Variants in SLC4A10 observed in about 807,000 individuals in gnomAD.
The protein encoded by SLC4A10 is solute carrier family 4 member 10.
In SLC4A10, 42 loss-of-function variants were observed where a neutral mutation model predicts 137.7. The ratio of observed to expected loss-of-function variants is 0.30; its 90% CI spans 0.24 to 0.39. SLC4A10 has a LOEUF of 0.39. SLC4A10 is among the 10% of genes least tolerant of loss of function. The pLI, the probability that SLC4A10 is intolerant of heterozygous loss-of-function variation, is 1.00. For synonymous variants in SLC4A10, 474 were observed against 464.1 expected, an observed-to-expected ratio of 1.02 and a Z score of -0.27; for missense variants, 925 against 1,355.0, an observed-to-expected ratio of 0.68 and a Z score of 4.98.
intron 23 of SLC4A10, among the ~76,000 whole-genome samples, chr2:161,969,922 G>T (rs1199995126): frequency 6.6e-6 from 1 of 152,176 alleles, no homozygotes; most frequent in Non-Finnish European, 1.5e-5. Context: ...AGTGGGGCAA[G>T]CATATTCTTC....
rs192936158 is a variant in SLC4A10, at chr2:161,771,778, A to G, written c.130+724A>G. 2.1e-4 allele frequency among the ~76,000 whole-genome samples: 32 copies of G among 152,038 alleles called. 1 individual carries two copies. Among genetic ancestry groups the G allele is most frequent in the Non-Finnish European group, 3.4e-4 (23 of 67,904 alleles). ...TTATTGTTATACCAACATTTAGTGT[A>G]CATACAGGATTAGCTAATTGTTACT... On this transcript the variant is annotated intron_variant, in intron 2 of 26. Transcript: ENST00000446997.
At chr2:161,708,827 C>A in intron 1 of SLC4A10, 2 of 1,530,122 alleles carry the variant, frequency 1.3e-6, no homozygotes, top group South Asian at 2.4e-5. Flanking sequence ...TCTAAGTCAT[C>A]AGGTATGACC....
At chr2:161,658,530 A>G (rs972567004) in intron 1 of SLC4A10, among the ~76,000 whole-genome samples, 3 of 151,970 alleles carry the variant, frequency 2.0e-5, no homozygotes, top group African/African-American at 4.8e-5. Flanking sequence ...TATGATTATG[A>G]CCACCAACAA....
intron 15 of SLC4A10, among the ~76,000 whole-genome samples, chr2:161,907,262 G>T (rs1684661072): frequency 6.6e-6 from 1 of 152,158 alleles, no homozygotes; most frequent in African/African-American, 2.4e-5. Context: ...ACAGGGCTAA[G>T]AAAGGACTGA....
At chr2:161,840,722 CTG>C (rs767972578) in intron 4 of SLC4A10, among the ~76,000 whole-genome samples, 1 of 152,204 alleles carries the variant, frequency 6.6e-6, no homozygotes, top group Non-Finnish European at 1.5e-5. Flanking sequence ...GCACAAGAAA[CTG>C]TGGGCACACC....
At chr2:161,936,556 A>G (rs1167056236) in intron 15 of SLC4A10, among the ~76,000 whole-genome samples, 5 of 152,024 alleles carry the variant, frequency 3.3e-5, no homozygotes, top group Non-Finnish European at 1.5e-5. Flanking sequence ...TTTCTAGGTT[A>G]TTCAATATGT....
chr2:161,864,133 C>T (rs2060596338), intron 6 of SLC4A10, among the ~76,000 whole-genome samples: 1 of 151,744 alleles, frequency 6.6e-6, no homozygotes, highest in Admixed American at 6.6e-5. Flanking sequence ...ACCTGGGTGG[C>T]GGAGATTGCA....
intron 1 of SLC4A10, among the ~76,000 whole-genome samples, chr2:161,653,732 T>A (rs939551291): frequency 6.6e-6 from 1 of 152,252 alleles, no homozygotes; most frequent in African/African-American, 2.4e-5. Flanking sequence ...ATTCTTCTTT[T>A]TAAAGACTGA....
intron 11 of SLC4A10, among the ~76,000 whole-genome samples, chr2:161,898,133 GT>G (rs1347348694): frequency 3.9e-5 from 6 of 152,060 alleles, no homozygotes; most frequent in Admixed American, 2.6e-4. Context: ...TTGAACAAAT[GT>G]TTTAACCTCT....
At chr2:161,727,554 T>A (rs759292624) in intron 1 of SLC4A10, among the ~76,000 whole-genome samples, 83 of 152,060 alleles carry the variant, frequency 5.5e-4, no homozygotes, top group Non-Finnish European at 9.3e-4. Context: ...TTAAAACCCT[T>A]AGAGAGGACA....
intron 15 of SLC4A10, among the ~76,000 whole-genome samples, chr2:161,923,433 A>G: frequency 6.6e-6 from 1 of 152,120 alleles, no homozygotes; most frequent in East Asian, 1.9e-4. Flanking sequence ...AAAATGAGAT[A>G]CCTAACAATC....
intron 7 of SLC4A10, 80 bp from the exon 8 acceptor site, chr2:161,873,836 G>C: frequency 7.3e-7 from 1 of 1,366,546 alleles, no homozygotes; most frequent in Non-Finnish European, 1.0e-6. Context: ...CTAGTTACGT[G>C]CATGCTCTCC....
At chr2:161,848,945 G>A (rs902481082) in intron 4 of SLC4A10, among the ~76,000 whole-genome samples, 1 of 152,066 alleles carries the variant, frequency 6.6e-6, no homozygotes, top group Non-Finnish European at 1.5e-5. Context: ...TTGTAAAAAT[G>A]TTATTGGTAG....
At chr2:161,866,512 A>G (rs2060760948) in intron 6 of SLC4A10, among the ~76,000 whole-genome samples, 1 of 151,944 alleles carries the variant, frequency 6.6e-6, no homozygotes, top group Non-Finnish European at 1.5e-5. Flanking sequence ...TTCACTTTTC[A>G]TTAAGCATCA....
chr2:161,810,468 C>CT (rs999418875), intron 3 of SLC4A10, among the ~76,000 whole-genome samples: 24 of 152,018 alleles, frequency 1.6e-4, no homozygotes, highest in African/African-American at 5.8e-4. Context: ...ATAGTTATAG[C>CT]TTTTGCCCAT....
chr2:161,707,150 T>A (rs1242640197), intron 1 of SLC4A10, among the ~76,000 whole-genome samples: 1 of 151,538 alleles, frequency 6.6e-6, no homozygotes, highest in East Asian at 1.9e-4. Context: ...AATATTTGTT[T>A]ACATGTGATT....
chr2:161,904,294 C>A (rs1683812698), intron 13 of SLC4A10, 116 bp downstream of exon 13: 2 of 1,081,546 alleles, frequency 1.8e-6, no homozygotes, highest in Non-Finnish European at 2.6e-6. Context: ...GAGATATGGT[C>A]TGGCAGATAC....
rs1404933885 is a variant in SLC4A10, at chr2:161,933,186, TCTTTCTTTCTTTCTTTC to T, written c.1998-9605_1998-9589del. On this transcript the variant is annotated intron_variant, in intron 15 of 26. Coordinates refer to ENST00000446997, the MANE Select transcript of SLC4A10 (RefSeq NM_001178015.2). The stretch of plus-strand genomic sequence containing the variant: ...TCTTTCTCTTTCCCCTTCCTTCTTT[TCTTTCTTTCTTTCTTTC>T]TTTCTTTCTTTCTTTCTTTCTTTCT... 1.0e-3 allele frequency among the ~76,000 whole-genome samples: 30 copies of T among 29,182 alleles called. 1 individual carries two copies. In the South Asian group the frequency reaches 0.012, roughly 12 times the overall value. The allele number at this position is 29,182 out of a possible 152,430, so 19.1% of individuals were successfully genotyped here. A position where few individuals can be genotyped will look rare whatever the true frequency, so the allele number is the denominator to read the frequency against.
At chr2:161,674,225 T>A (rs1187893006) in intron 1 of SLC4A10, among the ~76,000 whole-genome samples, 1 of 152,198 alleles carries the variant, frequency 6.6e-6, no homozygotes, top group Non-Finnish European at 1.5e-5. Flanking sequence ...TACTCCTAGA[T>A]GTGTGACTTG....
Sources: allele counts gnomAD v4.1 joint callset (sites outside exome capture counted in the v4.1 genomes callset), GRCh38; gene constraint gnomAD v4.1.1; transcripts MANE v1.5; gene names NCBI Gene and HGNC (gene_info 2026-07-23, HGNC 2026-07-21).